Variants in TENM2 observed in about 807,000 individuals in gnomAD.
The protein encoded by TENM2 is teneurin transmembrane protein 2.
In TENM2, 52 loss-of-function variants were observed where a neutral mutation model predicts 245.2. That is an observed-to-expected ratio of 0.21 (90% confidence interval 0.17 to 0.27). The LOEUF (loss-of-function observed/expected upper bound fraction) is 0.27, where lower values mean the gene tolerates loss of function less well. Ranked by LOEUF, TENM2 falls within the 10% of genes least tolerant of loss-of-function variation. TENM2 has a pLI of 1.00. For synonymous variants in TENM2, 1,363 were observed against 1,438.9 expected, an observed-to-expected ratio of 0.95 and a Z score of 1.19; for missense variants, 3,046 against 3,666.8, an observed-to-expected ratio of 0.83 and a Z score of 4.37.
At chr5:167,616,617 A>G (rs1278472863) in intron 2 of TENM2, among the ~76,000 whole-genome samples, 3 of 152,188 alleles carry the variant, frequency 2.0e-5, no homozygotes, top group South Asian at 2.1e-4. Flanking sequence ...CAAATCTTCA[A>G]TATTCTTCAG....
intron 2 of TENM2, among the ~76,000 whole-genome samples, chr5:167,488,973 C>T (rs1768260355): frequency 1.3e-5 from 2 of 152,108 alleles, no homozygotes; most frequent in South Asian, 4.1e-4. Flanking sequence ...CACTTCATAT[C>T]CAATTCTCTC....
intron 14 of TENM2, among the ~76,000 whole-genome samples, chr5:168,191,311 C>G (rs1760935061): frequency 6.6e-6 from 1 of 152,188 alleles, no homozygotes; most frequent in South Asian, 2.1e-4. Flanking sequence ...CCCCACCACC[C>G]CATCCCCTCC....
the TENM2 span, among the ~76,000 whole-genome samples, chr5:167,257,427 A>G: frequency 1.1e-3 from 172 of 152,242 alleles, 2 homozygotes; most frequent in Middle Eastern, 0.014. Context: ...TGATACTTCA[A>G]TGAATATCTG....
intron 2 of TENM2, among the ~76,000 whole-genome samples, chr5:167,402,472 A>C (rs2127388014): frequency 6.6e-6 from 1 of 152,268 alleles, no homozygotes; most frequent in Non-Finnish European, 1.5e-5. Context: ...TGATGTGAAC[A>C]TGTATCAAGT....
At chr5:167,643,960 G>T (rs76104254) in intron 2 of TENM2, among the ~76,000 whole-genome samples, 1 of 152,012 alleles carries the variant, frequency 6.6e-6, no homozygotes, top group African/African-American at 2.4e-5. Flanking sequence ...ATTCAGTATC[G>T]CATAGTTTTG....
intron 3 of TENM2, among the ~76,000 whole-genome samples, chr5:167,905,394 A>G (rs1005508578): frequency 1.3e-5 from 2 of 152,204 alleles, no homozygotes; most frequent in Non-Finnish European, 2.9e-5. Context: ...AAAATGAGCC[A>G]TCCTTGAAGA....
At chr5:167,789,000 T>A (rs1764766785) in intron 2 of TENM2, among the ~76,000 whole-genome samples, 1 of 152,186 alleles carries the variant, frequency 6.6e-6, no homozygotes, top group African/African-American at 2.4e-5. Flanking sequence ...TCTACCCCAC[T>A]AGATCTACTA....
chr5:167,998,916 C>A (rs1784242547), intron 5 of TENM2, among the ~76,000 whole-genome samples: 1 of 152,070 alleles, frequency 6.6e-6, no homozygotes, highest in South Asian at 2.1e-4. Flanking sequence ...AAACTAAAAG[C>A]CTACCATGTG....
chr5:167,435,466 C>A (rs1192357066), intron 2 of TENM2, among the ~76,000 whole-genome samples: 1 of 152,210 alleles, frequency 6.6e-6, no homozygotes, highest in Non-Finnish European at 1.5e-5. Context: ...TCACCTTCTG[C>A]CATGATTGTG....
chr5:167,295,328 C>T (rs1754889434), intron 1 of TENM2, among the ~76,000 whole-genome samples: 1 of 152,222 alleles, frequency 6.6e-6, no homozygotes, highest in Non-Finnish European at 1.5e-5. Context: ...ACTAACAGTT[C>T]CTTTTTCTGA....
chr5:168,019,416 CTG>C (rs1288850636), intron 5 of TENM2, among the ~76,000 whole-genome samples: 2 of 152,020 alleles, frequency 1.3e-5, no homozygotes, highest in Non-Finnish European at 2.9e-5. Flanking sequence ...AAAGAGGAGA[CTG>C]TGAATAAAAC....
intron 2 of TENM2, chr5:167,729,094 T>C (rs559558710): frequency 7.2e-5 from 11 of 152,322 alleles, no homozygotes; most frequent in African/African-American, 2.4e-4. Flanking sequence ...GCCAGCCTGC[T>C]CTATCACAGC....
chr5:167,025,590 A>G, the TENM2 span, among the ~76,000 whole-genome samples: 1 of 152,328 alleles, frequency 6.6e-6, no homozygotes, highest in Admixed American at 6.5e-5. Context: ...GAAACACTAG[A>G]CGGTAAGTGT....
Position 167,551,412 on chromosome 5 carries a change from C to T in TENM2, c.502+175939C>T, listed in dbSNP as rs189488834. Among the ~76,000 whole-genome samples, 23 of 152,190 alleles carry T rather than the reference C, an allele frequency of 1.5e-4. 1 individual carries two copies. Among genetic ancestry groups the T allele is most frequent in the African/African-American group, 4.8e-4 (20 of 41,536 alleles). On this transcript the variant is annotated intron_variant, in intron 2 of 28. Transcript: ENST00000518659. ...GCTATAGATTCTTTATCCATCTGCC[C>T]GCTCATCTATCTATCTATCCATTCA...
intron 12 of TENM2, among the ~76,000 whole-genome samples, chr5:168,158,616 C>T (rs12516735): frequency 0.21 from 31,185 of 150,424 alleles, 3,889 homozygotes; most frequent in East Asian, 0.33. Flanking sequence ...TGGCCTCTAC[C>T]CACAAGATGC....
At chr5:167,952,272 A>G (rs574972717) in intron 3 of TENM2, 1 of 460,680 alleles carries the variant, frequency 2.2e-6, no homozygotes, top group Non-Finnish European at 3.9e-6. Context: ...ATCAGCCTTG[A>G]ATGTCATGTT....
chr5:168,061,444 T>C (rs560052816), intron 6 of TENM2, among the ~76,000 whole-genome samples: 2 of 152,218 alleles, frequency 1.3e-5, no homozygotes, highest in East Asian at 3.9e-4. Flanking sequence ...GGATACTGAG[T>C]GTGGGCAACC....
chr5:167,294,014 G>C (rs781749694), intron 1 of TENM2, among the ~76,000 whole-genome samples: 2 of 148,504 alleles, frequency 1.3e-5, no homozygotes, highest in Non-Finnish European at 1.5e-5. Context: ...GTTCAACTGA[G>C]TGTGTGTTTT....
chr5:167,519,254 T>C (rs1770601123), intron 2 of TENM2, among the ~76,000 whole-genome samples: 1 of 152,160 alleles, frequency 6.6e-6, no homozygotes, highest in Non-Finnish European at 1.5e-5. Flanking sequence ...ACAGAAATCA[T>C]CAATATCTTG....
Sources: allele counts gnomAD v4.1 joint callset (sites outside exome capture counted in the v4.1 genomes callset), GRCh38; gene constraint gnomAD v4.1.1; transcripts MANE v1.5; gene names NCBI Gene and HGNC (gene_info 2026-07-23, HGNC 2026-07-21).